The following BCL2 variants were observed in gnomAD, a reference collection of about 807,000 sequenced individuals.
BCL2 encodes BCL2 apoptosis regulator.
In BCL2, 1 loss-of-function variant was observed where a neutral mutation model predicts 14.2. That is an observed-to-expected ratio of 0.07 (90% CI 0.02 to 0.33). BCL2 has a LOEUF of 0.33. Among genes scored for constraint, BCL2 ranks in the 10% least tolerant of loss-of-function variants. The pLI is 0.99. For missense variants in BCL2, 247 were observed against 305.9 expected (o/e 0.81, Z 1.44); for synonymous variants, 151 against 137.2 (o/e 1.10, Z -0.70).
intron 2 of BCL2, among the ~76,000 whole-genome samples, chr18:63,271,842 C>A (rs1305405677): frequency 6.6e-6 from 1 of 152,150 alleles, no homozygotes; most frequent in African/African-American, 2.4e-5. Flanking sequence ...CCTTTCTTTC[C>A]TTTGAAACAG....
chr18:63,283,050 A>G (rs1276224706), intron 2 of BCL2, among the ~76,000 whole-genome samples: 1 of 152,216 alleles, frequency 6.6e-6, no homozygotes, highest in African/African-American at 2.4e-5. Context: ...TCTGAGAAGT[A>G]CTTCTATTGA....
At chr18:63,242,914 G>A (rs1568244467) in intron 2 of BCL2, among the ~76,000 whole-genome samples, 1 of 152,112 alleles carries the variant, frequency 6.6e-6, no homozygotes, top group Non-Finnish European at 1.5e-5. Context: ...GAGAGGCGCT[G>A]GAATATTGTG....
chr18:63,137,517 C>T (rs926593391), intron 2 of BCL2, among the ~76,000 whole-genome samples: 6 of 152,140 alleles, frequency 3.9e-5, no homozygotes, highest in Non-Finnish European at 5.9e-5. Context: ...GGGGAGTATT[C>T]AGAGACCAAA....
At chr18:63,181,906 C>T (rs1312939827) in intron 2 of BCL2, among the ~76,000 whole-genome samples, 1 of 152,194 alleles carries the variant, frequency 6.6e-6, no homozygotes, top group African/African-American at 2.4e-5. Flanking sequence ...TGGTTCCTCA[C>T]GTCCAAGTGC....
intron 2 of BCL2, among the ~76,000 whole-genome samples, chr18:63,199,501 TAC>T (rs1909624034): frequency 7.7e-6 from 1 of 130,470 alleles, no homozygotes; most frequent in African/African-American, 3.0e-5. Context: ...GACACATGCA[TAC>T]ACAGACACAG....
intron 2 of BCL2, among the ~76,000 whole-genome samples, chr18:63,177,918 C>T (rs565139376): frequency 6.6e-6 from 1 of 152,080 alleles, no homozygotes; most frequent in Non-Finnish European, 1.5e-5. Context: ...ACTCAGCCCC[C>T]CTCCTCCCCA....
rs1255855616 is a variant in BCL2 at position 63,318,287 on chromosome 18, C to T, written c.380G>A (p.Arg127Gln). The part of the protein sequence containing the change: ...SQLHLTPFTA[R>Q]GRFATVVEEL... ...CTCCACCACCGTGGCAAAGCGTCCC[C>T]GCGCGGTGAAGGGCGTCAGGTGCAG... Residue 127 changes from arginine (R) to glutamine (Q), a missense_variant, in exon 2 of 3, where the codon CGG becomes CAG. Physicochemically the swap from Arg to Gln is conservative, Grantham distance 43 (BLOSUM62 1). Around this residue, in one of 3 missense-constraint regions of BCL2, gnomAD observed 67 missense variants for 145.7 expected, o/e 0.46. Coordinates refer to ENST00000333681, the MANE Select transcript of BCL2 (RefSeq NM_000633.3). The surrounding 1 kb of genome is among the most constrained non-coding windows in gnomAD (Gnocchi z 7.4). 6.2e-7 allele frequency: 1 copy of T among 1,614,178 alleles called. No individual in the cohort carries two copies. Among genetic ancestry groups the T allele is most frequent in the South Asian group, 1.1e-5 (1 of 91,062 alleles).
At chr18:63,210,294 G>C (rs756709558) in intron 2 of BCL2, among the ~76,000 whole-genome samples, 1 of 152,188 alleles carries the variant, frequency 6.6e-6, no homozygotes, top group Non-Finnish European at 1.5e-5. Flanking sequence ...GGAGGCCTTG[G>C]GGGTGGAAGA....
At position 63,126,831 on chromosome 18, in the gene BCL2, C is replaced by T. The variant is rs995946764; in HGVS notation, c.*1794G>A. 6 of 226,358 alleles carry T rather than the reference C, an allele frequency of 2.7e-5. No individual in the cohort carries two copies. Among genetic ancestry groups the T allele is most frequent in the East Asian group, 6.4e-5 (1 of 15,732 alleles). 14.0% of individuals were successfully genotyped at this position (226,358 alleles called of 1,614,324 possible). A position where few individuals can be genotyped will look rare whatever the true frequency, so the allele number is the denominator to read the frequency against. On this transcript the variant is annotated 3_prime_UTR_variant, in exon 3 of 3. Coordinates refer to ENST00000333681, the MANE Select transcript of BCL2 (RefSeq NM_000633.3). ...GCATGTATTTTTTTAAAGCAGCTTT[C>T]GAAATATCAACCACAGCATTAAACA...
intron 2 of BCL2, among the ~76,000 whole-genome samples, chr18:63,283,797 G>A (rs1269075575): frequency 6.6e-6 from 1 of 152,164 alleles, no homozygotes; most frequent in Non-Finnish European, 1.5e-5. Flanking sequence ...CTTTGGTAAT[G>A]GATGAAACCA....
chr18:63,212,969 G>C (rs1392020243), intron 2 of BCL2, among the ~76,000 whole-genome samples: 1 of 152,202 alleles, frequency 6.6e-6, no homozygotes, highest in Non-Finnish European at 1.5e-5. Context: ...AAAACATAAA[G>C]AAATTTCAAA....
intron 2 of BCL2, among the ~76,000 whole-genome samples, chr18:63,198,485 CACACACAGACACACATTG>C (rs1568231201): frequency 6.8e-6 from 1 of 147,572 alleles, no homozygotes. Context: ...CTGACAGAGA[CACACACAGACACACATTG>C]ACACACAGAC....
chr18:63,154,817 C>T (rs753051879), intron 2 of BCL2, among the ~76,000 whole-genome samples: 1 of 152,170 alleles, frequency 6.6e-6, no homozygotes, highest in East Asian at 1.9e-4. Context: ...TCTGATAGTG[C>T]CTGGCACCTT....
At chr18:63,243,959 C>T (rs939901547) in intron 2 of BCL2, among the ~76,000 whole-genome samples, 3 of 152,182 alleles carry the variant, frequency 2.0e-5, no homozygotes, top group African/African-American at 7.2e-5. Context: ...CTAGAAGTTT[C>T]GCGGCCGGGT....
intron 2 of BCL2, among the ~76,000 whole-genome samples, chr18:63,226,796 G>A (rs1910560677): frequency 6.6e-6 from 1 of 151,970 alleles, no homozygotes. Context: ...AAAAGGTAGG[G>A]AGATGTTAAA....
chr18:63,243,279 G>GC (rs1368778096), intron 2 of BCL2, among the ~76,000 whole-genome samples: 3 of 152,176 alleles, frequency 2.0e-5, no homozygotes. Context: ...ACCAAATACT[G>GC]CATGTTCTTA....
intron 2 of BCL2, among the ~76,000 whole-genome samples, chr18:63,171,994 C>T (rs1352317206): frequency 6.6e-6 from 1 of 152,094 alleles, no homozygotes; most frequent in African/African-American, 2.4e-5. Flanking sequence ...TAAATAGATA[C>T]ATACATAAAT....
At chr18:63,297,726 A>G (rs1308837245) in intron 2 of BCL2, among the ~76,000 whole-genome samples, 1 of 152,252 alleles carries the variant, frequency 6.6e-6, no homozygotes, top group African/African-American at 2.4e-5. Context: ...CCTGTTCCCA[A>G]AACACAGAAG....
At chr18:63,275,791 TC>T (rs1293733882) in intron 2 of BCL2, among the ~76,000 whole-genome samples, 1 of 152,220 alleles carries the variant, frequency 6.6e-6, no homozygotes, top group Non-Finnish European at 1.5e-5. Flanking sequence ...CTGCAGCAGA[TC>T]CCACTGGGGT....
Sources: gnomAD v4.1 joint callset for allele counts (sites outside exome capture counted in the v4.1 genomes callset) on GRCh38, gnomAD v4.1.1 for gene constraint, gnomAD v4.1.1 regional missense constraint, Gnocchi (gnomAD v3.1) non-coding constraint, MANE v1.5 for transcripts, NCBI Gene and HGNC (gene_info 2026-07-23, HGNC 2026-07-21) for gene names.